Variants in RAP1GAP2 observed in about 807,000 individuals in gnomAD.
RAP1GAP2 encodes the protein RAP1 GTPase activating protein 2, also known as rap1 GTPase-activating protein 2.
RAP1GAP2 carries 27 observed loss-of-function variants against 95.0 expected under a neutral mutation model. That is an observed-to-expected ratio of 0.28 (90% CI 0.21 to 0.39). RAP1GAP2 has a LOEUF of 0.39. RAP1GAP2 is among the 10% of genes least tolerant of loss of function. The pLI, the probability that RAP1GAP2 is intolerant of heterozygous loss-of-function variation, is 1.00. For synonymous variants in RAP1GAP2, 373 were observed against 380.9 expected (o/e 0.98, Z 0.24); for missense variants, 771 against 970.0 (o/e 0.79, Z 2.72).
At chr17:2,774,723 GGCCTCCCAAAGT>G (rs376193398), upstream of RAP1GAP2, among the ~76,000 whole-genome samples, 27 of 151,730 alleles carry the variant, frequency 1.8e-4, no homozygotes, top group African/African-American at 4.8e-4. Context: ...CACCCACCTT[GGCCTCCCAAAGT>G]GCTGGGATTA....
chr17:2,962,972 T>TCATTACAAAA, intron 5 of RAP1GAP2: 1 of 523,490 alleles, frequency 1.9e-6, no homozygotes, highest in Non-Finnish European at 3.3e-6. Flanking sequence ...GCTTGGCCGT[T>TCATTACAAAA]TGGCCCGGCT....
intron 2 of RAP1GAP2, among the ~76,000 whole-genome samples, chr17:2,885,028 CTTTTT>C (rs891984333): frequency 6.2e-5 from 7 of 112,506 alleles, no homozygotes; most frequent in African/African-American, 1.1e-4. Flanking sequence ...TTATTTCTTT[CTTTTT>C]TTTTTTTTTT....
At chr17:2,765,725 AGAGG>A (rs1246912257) in intron 1 of RAP1GAP2, among the ~76,000 whole-genome samples, 1 of 150,328 alleles carries the variant, frequency 6.7e-6, no homozygotes, top group Non-Finnish European at 1.5e-5. Context: ...ACTGGGCGAC[AGAGG>A]GAGACTCTGT....
intron 3 of RAP1GAP2, among the ~76,000 whole-genome samples, chr17:2,944,728 C>T (rs1333653408): frequency 6.6e-6 from 1 of 152,140 alleles, no homozygotes; most frequent in Non-Finnish European, 1.5e-5. Context: ...ATGGTACTGC[C>T]ACCTTAACAG....
At chr17:2,966,095 A>G (rs1052552912) in intron 8 of RAP1GAP2, among the ~76,000 whole-genome samples, 1 of 152,146 alleles carries the variant, frequency 6.6e-6, no homozygotes, top group African/African-American at 2.4e-5. Context: ...CCTGAGATGC[A>G]CTGATGTTCA....
Position 2,902,220 on chromosome 17 carries a change from C to CTT in RAP1GAP2, c.81-3051_81-3050dup, listed in dbSNP as rs775812605. 8.3e-3 allele frequency among the ~76,000 whole-genome samples: 1,203 copies of CTT among 144,750 alleles called. 15 individuals are homozygous for CTT. Among genetic ancestry groups the CTT allele is most frequent in the African/African-American group, 0.028 (1,091 of 39,668 alleles). The allele number at this position is 144,750 out of a possible 152,430, so 95.0% of individuals were successfully genotyped here. A position where few individuals can be genotyped will look rare whatever the true frequency, so the allele number is the denominator to read the frequency against. ...TTTCTTCACATTGTTGCCTTCCCTT[C>CTT]TTTTTTTTTTTTTTGAGATGGAGTC... On this transcript the variant is annotated intron_variant, in intron 2 of 24. Coordinates refer to ENST00000254695, the MANE Select transcript of RAP1GAP2 (RefSeq NM_015085.5). This position sits in a 1 kb window ranked among gnomAD's most constrained non-coding sequence, Gnocchi z 4.1.
At chr17:2,817,524 G>A (rs7224297) in intron 2 of RAP1GAP2, among the ~76,000 whole-genome samples, 106,000 of 113,960 alleles carry the variant, frequency 0.93, 51,223 homozygotes, top group East Asian at 0.99. Context: ...TCTATGTATA[G>A]TTTTTTTTTT....
In RAP1GAP2 at chr17:3,032,236, G is replaced by T. The variant is rs184018501; in HGVS notation, c.2185-175G>T. On this transcript the variant is annotated intron_variant, in intron 23 of 24. Transcript: ENST00000254695. ...GGTCCCCCAGTCCCTTTCTGAGCTC[G>T]CCAGACTATCGAGAACTCCAGGTCC... 5.5e-4 allele frequency among the ~76,000 whole-genome samples: 81 copies of T among 146,740 alleles called. 2 individuals carry two copies. The East Asian group carries it at 7.7e-3, about 14-fold the overall frequency.
chr17:3,009,844 C>G (rs1020627317), intron 17 of RAP1GAP2, among the ~76,000 whole-genome samples: 1 of 151,898 alleles, frequency 6.6e-6, no homozygotes, highest in Non-Finnish European at 1.5e-5. Context: ...AGAGAGGGCG[C>G]CAGGTCAGAC....
intron 3 of RAP1GAP2, among the ~76,000 whole-genome samples, chr17:2,953,326 T>C (rs1337446818): frequency 6.6e-6 from 1 of 151,954 alleles, no homozygotes; most frequent in Non-Finnish European, 1.5e-5. Context: ...CAGCCTCCTG[T>C]GTAGCTAGGA....
chr17:2,760,271 G>C (rs1361774346), intron 1 of RAP1GAP2, among the ~76,000 whole-genome samples: 4 of 138,412 alleles, frequency 2.9e-5, no homozygotes, highest in African/African-American at 2.7e-5. Flanking sequence ...CCAACCTGGG[G>C]GACAGAGCGA....
At chr17:3,026,764 A>T (rs758195511) in intron 21 of RAP1GAP2, among the ~76,000 whole-genome samples, 180 bp from the exon 22 acceptor site, 36 of 152,172 alleles carry the variant, frequency 2.4e-4, no homozygotes, top group Non-Finnish European at 2.1e-4. Flanking sequence ...GCTGGGTCAA[A>T]GGTCCTTCTT....
intron 2 of RAP1GAP2, among the ~76,000 whole-genome samples, chr17:2,873,745 T>C (rs1351425475): frequency 2.0e-5 from 3 of 151,992 alleles, no homozygotes; most frequent in Non-Finnish European, 4.4e-5. Flanking sequence ...GCTACTGAAT[T>C]GTATACTTTA....
chr17:3,032,030 G>C (rs1015691319), intron 23 of RAP1GAP2, among the ~76,000 whole-genome samples: 5 of 148,156 alleles, frequency 3.4e-5, no homozygotes, highest in African/African-American at 1.2e-4. Context: ...GCCCAGTTGT[G>C]AGGTGGGAAG....
At chr17:2,985,250 A>G (rs375048103) in intron 11 of RAP1GAP2, among the ~76,000 whole-genome samples, 184 bp downstream of exon 11, 38 of 150,964 alleles carry the variant, frequency 2.5e-4, no homozygotes, top group African/African-American at 8.1e-4. Flanking sequence ...ACTTCTTACA[A>G]AAAGGCCTGC....
At chr17:2,942,934 A>G (rs748899560) in intron 3 of RAP1GAP2, among the ~76,000 whole-genome samples, 5 of 151,890 alleles carry the variant, frequency 3.3e-5, no homozygotes, top group Non-Finnish European at 5.9e-5. Context: ...ACGCCTAGCT[A>G]ATTTTTGTAT....
chr17:2,775,049 C>G (rs1456429884), upstream of RAP1GAP2, among the ~76,000 whole-genome samples: 1 of 151,174 alleles, frequency 6.6e-6, no homozygotes, highest in East Asian at 1.9e-4. Context: ...CCAGGTTGGC[C>G]TTGAACTCCT....
At chr17:2,875,036 G>A (rs557733206) in intron 2 of RAP1GAP2, among the ~76,000 whole-genome samples, 198 of 152,226 alleles carry the variant, frequency 1.3e-3, no homozygotes, top group African/African-American at 3.6e-3. Context: ...TGGGGACGGC[G>A]CCCTTCGACA....
chr17:2,829,201 C>T (rs1281494917), intron 2 of RAP1GAP2, among the ~76,000 whole-genome samples: 1 of 152,062 alleles, frequency 6.6e-6, no homozygotes, highest in Non-Finnish European at 1.5e-5. Context: ...CCAGGCTAGT[C>T]TCAAACTCCT....
Sources: allele counts gnomAD v4.1 joint callset (sites outside exome capture counted in the v4.1 genomes callset), GRCh38; gene constraint gnomAD v4.1.1; non-coding constraint Gnocchi (gnomAD v3.1); transcripts MANE v1.5; gene names NCBI Gene and HGNC (gene_info 2026-07-23, HGNC 2026-07-21).